KCNG3: variants seen among roughly 807,000 people sequenced by gnomAD.
KCNG3 encodes the protein voltage-gated potassium channel regulatory subunit KCNG3.
In KCNG3, 15 loss-of-function variants were observed where a neutral mutation model predicts 29.0. The observed-to-expected ratio is 0.52, with a 90% CI of 0.35 to 0.80. The LOEUF is 0.80. KCNG3 is among the 30% of genes least tolerant of loss of function. KCNG3 has a pLI of 0.01. For missense variants in KCNG3, 512 were observed against 605.7 expected, an observed-to-expected ratio of 0.85 and a Z score of 1.62; for synonymous variants, 322 against 248.9, an observed-to-expected ratio of 1.29 and a Z score of -2.76.
the KCNG3 span, among the ~76,000 whole-genome samples, chr2:42,430,763 C>G: frequency 4.9e-3 from 747 of 151,796 alleles, 3 homozygotes; most frequent in African/African-American, 0.017. Context: ...CAAAACAAAA[C>G]AAAACAAACA....
chr2:42,448,984 A>C (rs1253554100), intron 1 of KCNG3, among the ~76,000 whole-genome samples: 5 of 152,140 alleles, frequency 3.3e-5, no homozygotes, highest in African/African-American at 4.8e-5. Flanking sequence ...TCTCAAAAAA[A>C]AAAACAAAAC....
chr2:42,428,458 G>GAAAAAAAAAAAAAAA, the KCNG3 span, among the ~76,000 whole-genome samples: 1 of 104,530 alleles, frequency 9.6e-6, no homozygotes, highest in Admixed American at 9.3e-5. Context: ...CCCGGTCTCG[G>GAAAAAAAAAAAAAAA]GAAAAAAAAA....
chr2:42,440,445 T>G (rs1874449), downstream of KCNG3: 60,567 of 149,954 alleles, frequency 0.4, 12,758 homozygotes, highest in East Asian at 0.6. Flanking sequence ...CTTTAATATT[T>G]CAAATATTGT....
the KCNG3 span, among the ~76,000 whole-genome samples, chr2:42,404,572 T>C: frequency 2.8e-4 from 42 of 152,000 alleles, no homozygotes; most frequent in Middle Eastern, 3.4e-3. Flanking sequence ...CTACTAAAAA[T>C]ACAAAAATTA....
intron 1 of KCNG3, among the ~76,000 whole-genome samples, chr2:42,477,847 C>A (rs960674135): frequency 3.2e-4 from 48 of 151,684 alleles, no homozygotes; most frequent in Admixed American, 2.6e-3. Flanking sequence ...CCACTGCACT[C>A]CAGCCTGGGT....
intron 1 of KCNG3, among the ~76,000 whole-genome samples, chr2:42,470,885 C>A (rs999870568): frequency 6.7e-6 from 1 of 148,602 alleles, no homozygotes; most frequent in Non-Finnish European, 1.5e-5. Flanking sequence ...GGCCAGGTGG[C>A]GTGGCTCTCA....
chr2:42,493,862 C>T lies in KCNG3; in HGVS notation c.-361G>A, dbSNP rs1468699016. On this transcript the variant is annotated 5_prime_UTR_variant, in exon 1 of 2. Transcript: ENST00000306078. Reference sequence around the variant, plus strand: ...CCTCTCCCAAGCCGCGGGGCCGACCCCCTGAGGGCTGCGGGCGCCGAATGG... The same window carrying T: ...CCTCTCCCAAGCCGCGGGGCCGACCTCCTGAGGGCTGCGGGCGCCGAATGG... 5.2e-6 allele frequency: 1 copy of T among 192,852 alleles called. No homozygotes were observed. The highest frequency in any genetic ancestry group is 1.1e-5 in the Non-Finnish European group (1 of 94,838). 11.9% of individuals were successfully genotyped at this position (192,852 alleles called of 1,614,324 possible).
chr2:42,443,045 T>C lies in KCNG3; in HGVS notation c.*889A>G, dbSNP rs750313931. 9.9e-5 allele frequency: 15 copies of C among 152,112 alleles called. No homozygotes were observed. The highest frequency in any genetic ancestry group is 1.8e-4 in the Non-Finnish European group (12 of 67,996). The allele number at this position is 152,112 out of a possible 1,614,324, so 9.4% of individuals were successfully genotyped here. On this transcript the variant is annotated 3_prime_UTR_variant, in exon 2 of 2. Transcript: ENST00000306078. Reference sequence around the variant, plus strand: ...CTGATAAGTCTTATTAAACCTCTAGTGTTTGGGGGAGGAGGTTAAGAGAAG... The same window carrying C: ...CTGATAAGTCTTATTAAACCTCTAGCGTTTGGGGGAGGAGGTTAAGAGAAG...
intron 1 of KCNG3, among the ~76,000 whole-genome samples, chr2:42,452,077 A>G (rs1672768967): frequency 6.6e-6 from 1 of 151,934 alleles, no homozygotes. Flanking sequence ...CCAACTAAAA[A>G]ATGGACAAAG....
chr2:42,479,117 C>T (rs1053908363), intron 1 of KCNG3, among the ~76,000 whole-genome samples: 10 of 152,202 alleles, frequency 6.6e-5, no homozygotes, highest in South Asian at 2.1e-4. Context: ...AGATTTGGGA[C>T]GCTCAATCTG....
At chr2:42,439,052 T>A (rs1425353920), downstream of KCNG3, among the ~76,000 whole-genome samples, 1 of 152,178 alleles carries the variant, frequency 6.6e-6, no homozygotes, top group East Asian at 1.9e-4. Context: ...ATGTCCTGAA[T>A]AATGCAGTGA....
the KCNG3 span, among the ~76,000 whole-genome samples, chr2:42,408,299 G>A: frequency 2.0e-5 from 3 of 152,184 alleles, no homozygotes; most frequent in Non-Finnish European, 2.9e-5. Flanking sequence ...AAGGCTAGGG[G>A]CTGGGCTGCC....
chr2:42,485,663 T>C (rs1448643364), intron 1 of KCNG3, among the ~76,000 whole-genome samples: 1 of 152,166 alleles, frequency 6.6e-6, no homozygotes, highest in Non-Finnish European at 1.5e-5. Context: ...TTAGCCAGGA[T>C]GGTCTCGATC....
the KCNG3 span, among the ~76,000 whole-genome samples, chr2:42,411,774 C>T: frequency 6.6e-6 from 1 of 152,164 alleles, no homozygotes; most frequent in Admixed American, 6.6e-5. Context: ...TGAGCTACTG[C>T]GCCCAACCAG....
the KCNG3 span, among the ~76,000 whole-genome samples, chr2:42,432,619 C>A: frequency 6.6e-6 from 1 of 152,110 alleles, no homozygotes; most frequent in African/African-American, 2.4e-5. Flanking sequence ...ATAAACCAAC[C>A]AACAGAAGCA....
the KCNG3 span, among the ~76,000 whole-genome samples, chr2:42,430,332 C>T: frequency 6.6e-6 from 1 of 151,180 alleles, no homozygotes; most frequent in East Asian, 2.0e-4. Context: ...TGTGCCACTG[C>T]ACCCAGGCCT....
the KCNG3 span, among the ~76,000 whole-genome samples, chr2:42,418,232 A>C: frequency 2.0e-5 from 3 of 152,156 alleles, no homozygotes; most frequent in African/African-American, 7.2e-5. Context: ...CTTATTTCAC[A>C]TATTACTATG....
At chr2:42,478,904 G>C (rs1255270173) in intron 1 of KCNG3, among the ~76,000 whole-genome samples, 11 of 151,786 alleles carry the variant, frequency 7.2e-5, no homozygotes, top group African/African-American at 2.4e-5. Flanking sequence ...ATTTAATACA[G>C]GTTGAGTATC....
At chr2:42,450,313 G>C (rs982292497) in intron 1 of KCNG3, among the ~76,000 whole-genome samples, 3 of 152,176 alleles carry the variant, frequency 2.0e-5, no homozygotes, top group African/African-American at 7.2e-5. Flanking sequence ...CCAAAGGGAT[G>C]AATCAGTGAG....
Sources: gnomAD v4.1 joint callset for allele counts (sites outside exome capture counted in the v4.1 genomes callset) on GRCh38, gnomAD v4.1.1 for gene constraint, MANE v1.5 for transcripts, NCBI Gene and HGNC (gene_info 2026-07-23, HGNC 2026-07-21) for gene names.